The following FHIT variants were observed in gnomAD, a reference collection of about 807,000 sequenced individuals.
FHIT encodes the protein bis(5'-adenosyl)-triphosphatase.
FHIT carries 19 observed loss-of-function variants against 17.9 expected under a neutral mutation model. The ratio of observed to expected loss-of-function variants is 1.06; its 90% CI spans 0.74 to 1.56. The LOEUF (loss-of-function observed/expected upper bound fraction) is 1.56, where lower values mean the gene tolerates loss of function less well. Ranked by LOEUF, FHIT falls within the 40% of genes most tolerant of loss-of-function variation. The pLI is 0.00. For missense variants in FHIT, 248 were observed against 189.2 expected (o/e 1.31, Z -1.82); for synonymous variants, 81 against 69.7 (o/e 1.16, Z -0.81).
chr3:61,200,947 C>T (rs774289750), intron 1 of FHIT, among the ~76,000 whole-genome samples: 39 of 152,222 alleles, frequency 2.6e-4, no homozygotes, highest in Admixed American at 9.8e-4. Context: ...AGAATGGGAA[C>T]GGCTTATAGC....
intron 8 of FHIT, among the ~76,000 whole-genome samples, chr3:59,889,517 T>A (rs895850578): frequency 2.0e-5 from 3 of 152,214 alleles, no homozygotes; most frequent in Admixed American, 2.0e-4. Context: ...TCTGACTCAC[T>A]AGGCAACCAT....
chr3:60,123,993 TATATATATATATATATAGAGAGAG>T (rs1364568572), intron 5 of FHIT, among the ~76,000 whole-genome samples: 11 of 40,768 alleles, frequency 2.7e-4, no homozygotes, highest in South Asian at 9.5e-4. Context: ...TATATATATA[TATATATATATATATATAGAGAGAG>T]AGAGAGAGAG....
At chr3:60,294,180 A>C (rs1375075366) in intron 5 of FHIT, among the ~76,000 whole-genome samples, 1 of 152,166 alleles carries the variant, frequency 6.6e-6, no homozygotes, top group Non-Finnish European at 1.5e-5. Flanking sequence ...ATTGTTGAAA[A>C]GAGATGCCAG....
chr3:60,226,315 A>G (rs1413372361), intron 5 of FHIT, among the ~76,000 whole-genome samples: 1 of 151,954 alleles, frequency 6.6e-6, no homozygotes, highest in Non-Finnish European at 1.5e-5. Context: ...TCTACTAAAA[A>G]TACAAAATTA....
chr3:61,095,027 A>G (rs1559976934), intron 2 of FHIT, among the ~76,000 whole-genome samples: 1 of 152,234 alleles, frequency 6.6e-6, no homozygotes, highest in African/African-American at 2.4e-5. Flanking sequence ...TGTGAGGACT[A>G]AGAATTAGAT....
intron 5 of FHIT, among the ~76,000 whole-genome samples, chr3:60,019,921 T>C (rs1404069116): frequency 1.3e-5 from 2 of 152,202 alleles, no homozygotes; most frequent in Non-Finnish European, 1.5e-5. Context: ...TATTTTCCAA[T>C]GGTAAACTTA....
At chr3:59,799,281 T>C (rs1322442162) in intron 8 of FHIT, among the ~76,000 whole-genome samples, 2 of 152,192 alleles carry the variant, frequency 1.3e-5, no homozygotes, top group African/African-American at 4.8e-5. Flanking sequence ...AAAGACTTTG[T>C]TTGACCTCCC....
intron 2 of FHIT, among the ~76,000 whole-genome samples, chr3:61,174,928 C>T (rs1012982731): frequency 6.6e-6 from 1 of 152,126 alleles, no homozygotes; most frequent in African/African-American, 2.4e-5. Flanking sequence ...AGCTGGGTTC[C>T]AGTCATGGTG....
chr3:60,995,872 T>C (rs2030637466), intron 3 of FHIT, among the ~76,000 whole-genome samples: 1 of 152,220 alleles, frequency 6.6e-6, no homozygotes, highest in African/African-American at 2.4e-5. Context: ...CTGTATCTAT[T>C]GTAAGGAGTA....
chr3:60,229,643 G>A (rs1211294847), intron 5 of FHIT, among the ~76,000 whole-genome samples: 2 of 152,112 alleles, frequency 1.3e-5, no homozygotes, highest in Non-Finnish European at 2.9e-5. Context: ...TAACTGGGCT[G>A]AGAAAAAACA....
intron 6 of FHIT, among the ~76,000 whole-genome samples, chr3:60,013,364 T>C (rs1177921969): frequency 6.6e-6 from 1 of 152,192 alleles, no homozygotes; most frequent in Non-Finnish European, 1.5e-5. Context: ...CCCAGCCCTT[T>C]CCATAGAGGG....
intron 4 of FHIT, among the ~76,000 whole-genome samples, chr3:60,567,384 G>T (rs2037177609): frequency 6.6e-6 from 1 of 152,170 alleles, no homozygotes; most frequent in Admixed American, 6.5e-5. Context: ...AAATGGTGCT[G>T]GGAAAACTGG....
At chr3:60,437,816 G>C (rs762965485) in intron 5 of FHIT, among the ~76,000 whole-genome samples, 101 of 151,956 alleles carry the variant, frequency 6.6e-4, no homozygotes, top group Non-Finnish European at 1.1e-3. Context: ...TAAAAATATG[G>C]AGTTAATAGG....
At chr3:60,340,730 CAG>C (rs375330056) in intron 5 of FHIT, among the ~76,000 whole-genome samples, 43 of 152,200 alleles carry the variant, frequency 2.8e-4, no homozygotes, top group African/African-American at 9.9e-4. Context: ...TTTTTTGAGA[CAG>C]AGTCTCACTC....
intron 3 of FHIT, among the ~76,000 whole-genome samples, chr3:60,830,649 A>G (rs549456031): frequency 2.6e-5 from 4 of 152,344 alleles, no homozygotes; most frequent in South Asian, 2.1e-4. Flanking sequence ...TGGAAAAACT[A>G]TTAGTCCTTT....
chr3:61,073,359 T>C (rs899964343), intron 2 of FHIT, among the ~76,000 whole-genome samples: 1 of 152,168 alleles, frequency 6.6e-6, no homozygotes, highest in African/African-American at 2.4e-5. Context: ...CTAAAAATGG[T>C]ATTCATAAGA....
intron 8 of FHIT, among the ~76,000 whole-genome samples, chr3:59,781,043 TA>T (rs1702560708): frequency 6.6e-6 from 1 of 152,136 alleles, no homozygotes; most frequent in Non-Finnish European, 1.5e-5. Flanking sequence ...TAAACTACCT[TA>T]AAGAAAGTCC....
intron 4 of FHIT, among the ~76,000 whole-genome samples, chr3:60,786,897 T>C (rs1700598024): frequency 6.6e-6 from 1 of 151,586 alleles, no homozygotes; most frequent in Admixed American, 6.6e-5. Context: ...ATAAAACTTG[T>C]GTTTCAATTC....
chr3:59,810,097 C>T (rs908041421), intron 8 of FHIT, among the ~76,000 whole-genome samples: 6 of 152,004 alleles, frequency 3.9e-5, no homozygotes, highest in Admixed American at 2.6e-4. Flanking sequence ...GTGCCTCTTA[C>T]GGGGATTGTG....
Sources: gnomAD v4.1 joint callset for allele counts (sites outside exome capture counted in the v4.1 genomes callset) on GRCh38, gnomAD v4.1.1 for gene constraint, MANE v1.5 for transcripts, NCBI Gene and HGNC (gene_info 2026-07-23, HGNC 2026-07-21) for gene names.